The following KPNA5 variants were observed in gnomAD, a reference collection of about 807,000 sequenced individuals.
The protein encoded by KPNA5 is importin subunit alpha-6.
Under a neutral mutation model 71.3 loss-of-function variants are expected in KPNA5, and 46 were observed. The ratio of observed to expected loss-of-function variants is 0.65; its 90% confidence interval spans 0.51 to 0.83. KPNA5 has a LOEUF of 0.83. Among genes scored for constraint, KPNA5 ranks in the 40% least tolerant of loss-of-function variants. The pLI is 0.00. For missense variants in KPNA5, 547 were observed against 628.3 expected (o/e 0.87, Z 1.38); for synonymous variants, 207 against 201.4 (o/e 1.03, Z -0.24).
Position 116,729,567 on chromosome 6 carries a change from T to G in KPNA5, c.1258T>G (p.Leu420Val). The G allele has an allele frequency of 1.3e-6, 2 of 1,524,684 alleles. No individual in the cohort carries two copies. The highest frequency in any genetic ancestry group is 2.6e-5 in the South Asian group (2 of 76,388). 94.4% of individuals were successfully genotyped at this position (1,524,684 alleles called of 1,614,324 possible). A position where few individuals can be genotyped will look rare whatever the true frequency, so the allele number is the denominator to read the frequency against. Reference protein sequence around the residue: ...SGGTPEQIRYLVALGCIKPLC... With the variant: ...SGGTPEQIRYVVALGCIKPLC... Reference sequence around the variant, plus strand: ...CTCTTTTATATTAATCTGAAGGTATTTGGTAGCTTTAGGCTGCATTAAACC... The same window carrying G: ...CTCTTTTATATTAATCTGAAGGTATGTGGTAGCTTTAGGCTGCATTAAACC... The change falls in exon 13 of 14, where the codon TTG becomes GTG. Residue 420 changes from leucine (L) to valine (V), a missense_variant. Transcript: ENST00000368564.
chr6:116,705,469 G>GAATC (rs1446423893), intron 7 of KPNA5, among the ~76,000 whole-genome samples: 1 of 152,092 alleles, frequency 6.6e-6, no homozygotes, highest in Non-Finnish European at 1.5e-5. Context: ...CTATAGTAGG[G>GAATC]AATCCTTAAT....
At chr6:116,704,887 T>C (rs1204617695) in intron 6 of KPNA5, among the ~76,000 whole-genome samples, 185 bp from the exon 7 acceptor site, 1 of 152,236 alleles carries the variant, frequency 6.6e-6, no homozygotes, top group Non-Finnish European at 1.5e-5. Context: ...GGAAAACTTT[T>C]TAAATGTCCT....
At chr6:116,686,559 T>A (rs1246707074) in intron 1 of KPNA5, among the ~76,000 whole-genome samples, 1 of 152,212 alleles carries the variant, frequency 6.6e-6, no homozygotes, top group Non-Finnish European at 1.5e-5. Flanking sequence ...TTTAATTAGA[T>A]CCCATTTGTC....
chr6:116,694,002 C>T (rs1165380), intron 4 of KPNA5, among the ~76,000 whole-genome samples: 52,900 of 145,742 alleles, frequency 0.36, 6,331 homozygotes, highest in African/African-American at 0.59. Flanking sequence ...GAATCCTTTC[C>T]CCATTTCTTG....
chr6:116,716,022 T>C (rs1778870803), intron 7 of KPNA5, among the ~76,000 whole-genome samples, 197 bp from the exon 8 acceptor site: 1 of 152,180 alleles, frequency 6.6e-6, no homozygotes, highest in South Asian at 2.1e-4. Flanking sequence ...GAATTCAGAT[T>C]GTAGATTCAC....
chr6:116,709,077 A>G (rs934639031), intron 7 of KPNA5, among the ~76,000 whole-genome samples: 1 of 152,124 alleles, frequency 6.6e-6, no homozygotes, highest in African/African-American at 2.4e-5. Context: ...GTGAGCCACC[A>G]CACCTGGCCT....
intron 6 of KPNA5, among the ~76,000 whole-genome samples, chr6:116,703,715 AT>A (rs1311043241): frequency 6.6e-6 from 1 of 152,208 alleles, no homozygotes; most frequent in Admixed American, 6.5e-5. Flanking sequence ...AAACAAAAAA[AT>A]CTTAGGTCTA....
chr6:116,697,404 GA>G (rs1778069088), intron 4 of KPNA5, among the ~76,000 whole-genome samples: 1 of 151,994 alleles, frequency 6.6e-6, no homozygotes, highest in Non-Finnish European at 1.5e-5. Flanking sequence ...CAAGTTAGAA[GA>G]ATAGCAAATT....
Position 116,738,074 on chromosome 6 carries a change from C to T in KPNA5, c.*5751C>T, listed in dbSNP as rs1452550857. Reference sequence around the variant, plus strand: ...TTTAAAGTTTATATTATGATTTATTCGTGACCTATGAAAATTGACAGACCG... The same window carrying T: ...TTTAAAGTTTATATTATGATTTATTTGTGACCTATGAAAATTGACAGACCG... On this transcript the variant is annotated 3_prime_UTR_variant, in exon 14 of 14. Transcript: ENST00000368564. 3 of 151,584 alleles carry T rather than the reference C, an allele frequency of 2.0e-5. No individual in the cohort carries two copies. In the East Asian group the frequency reaches 5.8e-4, roughly 29 times the overall value. The allele number at this position is 151,584 out of a possible 1,614,324, so 9.4% of individuals were successfully genotyped here.
chr6:116,729,790 T>C, intron 13 of KPNA5, 49 bp downstream of exon 13: 1 of 1,176,578 alleles, frequency 8.5e-7, no homozygotes, highest in Non-Finnish European at 1.1e-6. Flanking sequence ...CTTATATCTG[T>C]CATACTTTCC....
At chr6:116,684,452 G>A (rs1388758238) in intron 1 of KPNA5, among the ~76,000 whole-genome samples, 2 of 151,994 alleles carry the variant, frequency 1.3e-5, no homozygotes, top group African/African-American at 4.8e-5. Flanking sequence ...ATTATTACAG[G>A]CACTTTTATT....
chr6:116,733,426 A>G lies in KPNA5; in HGVS notation c.*1103A>G, dbSNP rs544578069. On this transcript the variant is annotated 3_prime_UTR_variant, in exon 14 of 14. Coordinates refer to ENST00000368564, the MANE Select transcript of KPNA5 (RefSeq NM_001366306.2). ...AGGTTCTTTAATATGGTTCAAATCTATAAGACTTTTTTCTTTTAGTAATAC... is the reference window on the plus strand; with the variant it reads ...AGGTTCTTTAATATGGTTCAAATCTGTAAGACTTTTTTCTTTTAGTAATAC... The G allele has an allele frequency of 6.6e-6, 1 of 151,768 alleles. No individual in the cohort carries two copies. Among genetic ancestry groups the G allele is most frequent in the Non-Finnish European group, 1.5e-5 (1 of 67,688 alleles). 9.4% of individuals were successfully genotyped at this position (151,768 alleles called of 1,614,324 possible).
At chr6:116,708,408 A>G (rs938510875) in intron 7 of KPNA5, among the ~76,000 whole-genome samples, 38 of 152,200 alleles carry the variant, frequency 2.5e-4, no homozygotes, top group African/African-American at 8.4e-4. Context: ...TCACCAACAC[A>G]TATTATCTGT....
intron 4 of KPNA5, among the ~76,000 whole-genome samples, chr6:116,698,419 TTTAAAGGTGTGC>T (rs1283106870): frequency 6.6e-6 from 1 of 152,044 alleles, no homozygotes; most frequent in African/African-American, 2.4e-5. Context: ...TAATCAATGT[TTTAAAGGTGTGC>T]TCAATAGCCT....
At chr6:116,707,424 A>T (rs1467893216) in intron 7 of KPNA5, among the ~76,000 whole-genome samples, 1 of 152,222 alleles carries the variant, frequency 6.6e-6, no homozygotes, top group African/African-American at 2.4e-5. Flanking sequence ...TAACCCCATT[A>T]ATACAAAAAA....
chr6:116,692,524 A>G, intron 4 of KPNA5, 132 bp downstream of exon 4: 1 of 605,744 alleles, frequency 1.7e-6, no homozygotes, highest in South Asian at 2.2e-5. Flanking sequence ...TGCAAAATAT[A>G]TTGTAAAGTA....
chr6:116,723,622 A>G (rs1779195024), intron 9 of KPNA5, among the ~76,000 whole-genome samples: 1 of 152,176 alleles, frequency 6.6e-6, no homozygotes, highest in African/African-American at 2.4e-5. Context: ...GCATTAATGT[A>G]TATTTTATTG....
At chr6:116,730,071 A>G (rs1416184098) in intron 13 of KPNA5, among the ~76,000 whole-genome samples, 1 of 147,560 alleles carries the variant, frequency 6.8e-6, no homozygotes, top group Non-Finnish European at 1.5e-5. Flanking sequence ...CTATATATAT[A>G]TAAAAATATG....
At chr6:116,686,838 G>A (rs1477255507) in intron 1 of KPNA5, among the ~76,000 whole-genome samples, 1 of 152,138 alleles carries the variant, frequency 6.6e-6, no homozygotes, top group East Asian at 1.9e-4. Context: ...AAGATCAGAT[G>A]GTTGTAGGTG....
Sources: gnomAD v4.1 joint callset for allele counts (sites outside exome capture counted in the v4.1 genomes callset) on GRCh38, gnomAD v4.1.1 for gene constraint, MANE v1.5 for transcripts, NCBI Gene and HGNC (gene_info 2026-07-23, HGNC 2026-07-21) for gene names.